PCDHA5: variants seen among roughly 807,000 people sequenced by gnomAD.
The protein encoded by PCDHA5 is protocadherin alpha 5, also known as protocadherin alpha-5.
Under a neutral mutation model 61.6 loss-of-function variants are expected in PCDHA5, and 43 were observed. That is an observed-to-expected ratio of 0.70 (90% CI 0.55 to 0.90). PCDHA5 has a LOEUF of 0.90. Among genes scored for constraint, PCDHA5 ranks in the 40% least tolerant of loss-of-function variants. The probability of loss-of-function intolerance (pLI) is 0.00; values close to 1 mark genes in which losing one functional copy is unlikely to be tolerated. For missense variants in PCDHA5, 1,298 were observed against 1,222.7 expected, an observed-to-expected ratio of 1.06 and a Z score of -0.92; for synonymous variants, 627 against 543.9, an observed-to-expected ratio of 1.15 and a Z score of -2.13.
At chr5:140,853,848 C>T (rs2042883759) in intron 1 of PCDHA5, 1 of 985,936 alleles carries the variant, frequency 1.0e-6, no homozygotes, top group Non-Finnish European at 1.2e-6. Context: ...AGATCCATAG[C>T]CCTATTTGAT....
chr5:140,883,632 T>C (rs782762437), intron 1 of PCDHA5: 1 of 1,613,936 alleles, frequency 6.2e-7, no homozygotes, highest in South Asian at 1.1e-5. Flanking sequence ...GCGCCGGCGT[T>C]CGCGCAGCCC....
chr5:140,884,506 G>T (rs10076265), intron 1 of PCDHA5: 2 of 1,614,054 alleles, frequency 1.2e-6, no homozygotes, highest in Admixed American at 3.3e-5. Flanking sequence ...GCGCGGCAGG[G>T]AGTTGGTCGT....
At chr5:140,867,507 C>G (rs190699676) in intron 1 of PCDHA5, 5 of 151,968 alleles carry the variant, frequency 3.3e-5, no homozygotes, top group Non-Finnish European at 7.4e-5. Flanking sequence ...AGAACAAAAT[C>G]TCAAATTAAT....
intron 1 of PCDHA5, chr5:140,827,874 A>G: frequency 1.6e-6 from 1 of 638,432 alleles, no homozygotes; most frequent in Non-Finnish European, 2.7e-6. Flanking sequence ...TAGCACTGTT[A>G]CGTGAATTGA....
intron 1 of PCDHA5, chr5:140,836,596 C>T (rs2150264981): frequency 6.2e-7 from 1 of 1,613,764 alleles, no homozygotes; most frequent in Non-Finnish European, 8.5e-7. Context: ...GTAAAGCCCA[C>T]TCTGGTGTGC....
intron 3 of PCDHA5, among the ~76,000 whole-genome samples, chr5:140,984,016 T>G (rs2153832874): frequency 6.6e-6 from 1 of 152,280 alleles, no homozygotes; most frequent in Non-Finnish European, 1.5e-5. Context: ...TATTGCCAGA[T>G]TGCAAGGGGA....
In PCDHA5 at chr5:140,993,459, T is replaced by TTC. The variant is rs202191067; in HGVS notation, c.2500+10899_2500+10900dup. 1.1e-4 allele frequency among the ~76,000 whole-genome samples: 9 copies of TTC among 83,038 alleles called. No individual in the cohort carries two copies. The East Asian group carries it at 1.5e-3, about 13-fold the overall frequency. 54.5% of individuals were successfully genotyped at this position (83,038 alleles called of 152,430 possible). Reference sequence around the variant, plus strand: ...ATTCATTCCTGTTCTCCTTCTTTCTTTCTCACACACACACACACACACACA... The same window carrying TTC: ...ATTCATTCCTGTTCTCCTTCTTTCTTTCTCTCACACACACACACACACACACA... On this transcript the variant is annotated intron_variant, in intron 3 of 3. Coordinates refer to ENST00000529859, the MANE Select transcript of PCDHA5 (RefSeq NM_018908.3).
intron 3 of PCDHA5, among the ~76,000 whole-genome samples, chr5:140,984,528 T>C (rs1187541000): frequency 7.2e-5 from 11 of 152,216 alleles, no homozygotes; most frequent in African/African-American, 2.4e-4. Flanking sequence ...ACAGTCTTCA[T>C]GGACTGTGCT....
intron 1 of PCDHA5, chr5:140,866,754 G>A (rs540571091): frequency 1.1e-4 from 17 of 152,256 alleles, no homozygotes; most frequent in Non-Finnish European, 2.2e-4. Context: ...ATGACTAACA[G>A]GACATACAGG....
chr5:140,986,073 G>A (rs1428668406), intron 3 of PCDHA5, among the ~76,000 whole-genome samples: 1 of 152,176 alleles, frequency 6.6e-6, no homozygotes, highest in East Asian at 1.9e-4. Context: ...TAAAGAAACT[G>A]TTCATTTATT....
At chr5:140,838,741 G>A (rs2150292053) in intron 1 of PCDHA5, among the ~76,000 whole-genome samples, 3 of 152,088 alleles carry the variant, frequency 2.0e-5, no homozygotes, top group African/African-American at 7.2e-5. Flanking sequence ...TTTGAGACCA[G>A]CTTGTGCATC....
chr5:140,926,778 A>G, intron 1 of PCDHA5: 1 of 1,393,042 alleles, frequency 7.2e-7, no homozygotes, highest in East Asian at 2.6e-5. Context: ...CGCAGCAGTG[A>G]CGGCCGGCAG....
intron 1 of PCDHA5, among the ~76,000 whole-genome samples, chr5:140,937,400 T>A (rs1210509586): frequency 6.6e-6 from 1 of 152,224 alleles, no homozygotes; most frequent in Non-Finnish European, 1.5e-5. Flanking sequence ...ATAGGGGTAT[T>A]GCACAACTTT....
intron 1 of PCDHA5, among the ~76,000 whole-genome samples, chr5:140,879,706 A>T (rs2058090742): frequency 6.6e-6 from 1 of 152,246 alleles, no homozygotes; most frequent in African/African-American, 2.4e-5. Context: ...ATTATTTCTC[A>T]GTATTGGAGA....
intron 1 of PCDHA5, among the ~76,000 whole-genome samples, chr5:140,950,271 T>C (rs1202365274): frequency 6.6e-6 from 1 of 152,058 alleles, no homozygotes; most frequent in Non-Finnish European, 1.5e-5. Flanking sequence ...ATCCATAATG[T>C]CTTTTTGCTT....
chr5:140,841,818 C>T lies in PCDHA5; in HGVS notation c.2352+17691C>T, dbSNP rs2150323435. ...TCCGATGCAGATGTTGGAGCTAACT[C>T]CGTGTTAACCTACAGGCTTAGCTCT... On this transcript the variant is annotated intron_variant, in intron 1 of 3. Coordinates refer to ENST00000529859, the MANE Select transcript of PCDHA5 (RefSeq NM_018908.3). The T allele has an allele frequency of 1.9e-6, 3 of 1,613,912 alleles. No homozygotes were observed. In the South Asian group the frequency reaches 3.3e-5, roughly 18 times the overall value.
intron 1 of PCDHA5, among the ~76,000 whole-genome samples, chr5:140,955,906 G>T (rs1044355938): frequency 2.0e-5 from 3 of 152,040 alleles, no homozygotes; most frequent in East Asian, 3.9e-4. Flanking sequence ...TCTCTTTGTA[G>T]CAATTGTGAA....
rs2150160577 is a variant in PCDHA5, at chr5:140,828,908, G to A, written c.2352+4781G>A. On this transcript the variant is annotated intron_variant, in intron 1 of 3. Coordinates refer to ENST00000529859, the MANE Select transcript of PCDHA5 (RefSeq NM_018908.3). Reference sequence around the variant, plus strand: ...GAATGCTTCTGATCGGGATGAAGGAGCGAATGGGGCAATTTCATATTCTTT... The same window carrying A: ...GAATGCTTCTGATCGGGATGAAGGAACGAATGGGGCAATTTCATATTCTTT... The A allele has an allele frequency of 4.2e-5, 67 of 1,614,134 alleles. 1 individual carries two copies. The South Asian group carries it at 6.7e-4, about 16-fold the overall frequency.
intron 1 of PCDHA5, chr5:140,884,715 AGTT>A: frequency 6.8e-7 from 1 of 1,470,936 alleles, no homozygotes; most frequent in Non-Finnish European, 9.0e-7. Context: ...CCTTCCTTGC[AGTT>A]GTTTGTTTAA....
Sources: gnomAD v4.1 joint callset for allele counts (sites outside exome capture counted in the v4.1 genomes callset) on GRCh38, gnomAD v4.1.1 for gene constraint, MANE v1.5 for transcripts, NCBI Gene and HGNC (gene_info 2026-07-23, HGNC 2026-07-21) for gene names.